CCNY: variants seen among roughly 807,000 people sequenced by gnomAD.
The protein encoded by CCNY is cyclin Y.
CCNY carries 19 observed loss-of-function variants against 42.8 expected under a neutral mutation model. The observed-to-expected ratio is 0.44, with a 90% CI of 0.31 to 0.65. The LOEUF (loss-of-function observed/expected upper bound fraction) is 0.65. Among genes scored for constraint, CCNY ranks in the 30% least tolerant of loss-of-function variants. The pLI is 0.07. For missense variants in CCNY, 370 were observed against 437.3 expected, an observed-to-expected ratio of 0.85 and a Z score of 1.37; for synonymous variants, 165 against 162.7, an observed-to-expected ratio of 1.01 and a Z score of -0.11.
intron 7 of CCNY, among the ~76,000 whole-genome samples, chr10:35,548,382 T>TCCGCCTC (rs1301910976): frequency 6.6e-6 from 1 of 150,952 alleles, no homozygotes; most frequent in Non-Finnish European, 1.5e-5. Flanking sequence ...CACTGCAGCC[T>TCCGCCTC]CCGCCTCCCG....
In CCNY at chr10:35,516,669, T is replaced by TCC. The variant is rs759096049; in HGVS notation, c.365+46_365+47insCC. On this transcript the variant is annotated intron_variant, in intron 4 of 9. Transcript: ENST00000374704. Reference sequence around the variant, plus strand: ...CCTTCCTTCCTTCCTTCCTTTTTTTTTTTTTTTTTTTTTTTTTTTACTTAA... The same window carrying TCC: ...CCTTCCTTCCTTCCTTCCTTTTTTTTCCTTTTTTTTTTTTTTTTTTTACTTAA... 1.0e-4 allele frequency: 98 copies of TCC among 982,686 alleles called. No homozygotes were observed. In the African/African-American group the frequency reaches 1.5e-3, roughly 15 times the overall value. The allele number at this position is 982,686 out of a possible 1,614,324, so 60.9% of individuals were successfully genotyped here.
intron 1 of CCNY, among the ~76,000 whole-genome samples, chr10:35,481,173 C>T (rs974894662): frequency 3.3e-5 from 5 of 152,170 alleles, no homozygotes; most frequent in African/African-American, 1.2e-4. Flanking sequence ...AAATATTCTT[C>T]ATGTGATTTT....
At chr10:35,497,945 A>G (rs1393042416) in intron 2 of CCNY, among the ~76,000 whole-genome samples, 3 of 152,042 alleles carry the variant, frequency 2.0e-5, no homozygotes, top group Non-Finnish European at 4.4e-5. Context: ...GTTTCTCTGC[A>G]TGGCAGAGGG....
chr10:35,435,221 T>A (rs912096399), intron 1 of CCNY, among the ~76,000 whole-genome samples: 5 of 152,222 alleles, frequency 3.3e-5, no homozygotes, highest in Non-Finnish European at 5.9e-5. Context: ...GGTCCCTATC[T>A]CTGCCAGGGC....
intron 3 of CCNY, among the ~76,000 whole-genome samples, chr10:35,252,601 T>G (rs954219677): frequency 6.8e-6 from 1 of 147,072 alleles, no homozygotes; most frequent in East Asian, 2.0e-4. Flanking sequence ...AATGAGAATA[T>G]CCTTTGCACT....
At chr10:35,267,667 T>C (rs1466684975) in intron 3 of CCNY, among the ~76,000 whole-genome samples, 1 of 152,172 alleles carries the variant, frequency 6.6e-6, no homozygotes, top group Admixed American at 6.6e-5. Context: ...CAGAAAACAC[T>C]GCTTCCAAGT....
intron 1 of CCNY, among the ~76,000 whole-genome samples, chr10:35,423,800 C>A (rs1025591216): frequency 4.6e-5 from 7 of 152,178 alleles, no homozygotes; most frequent in African/African-American, 1.4e-4. Context: ...TTTGAAAATT[C>A]TCAAATTTGC....
chr10:35,408,415 T>G (rs1167939300), intron 1 of CCNY, among the ~76,000 whole-genome samples: 4 of 152,150 alleles, frequency 2.6e-5, no homozygotes, highest in African/African-American at 4.8e-5. Context: ...GGTGGTGGGA[T>G]TATCATTAGT....
chr10:35,280,506 GGA>G (rs1835288720), intron 3 of CCNY, among the ~76,000 whole-genome samples: 1 of 150,718 alleles, frequency 6.6e-6, no homozygotes, highest in African/African-American at 2.5e-5. Flanking sequence ...AAGGAAGGAA[GGA>G]AGAGTCTTTT....
intron 1 of CCNY, among the ~76,000 whole-genome samples, chr10:35,350,850 C>G (rs896332686): frequency 2.6e-5 from 4 of 152,162 alleles, no homozygotes; most frequent in Non-Finnish European, 5.9e-5. Context: ...TGATTTTCAG[C>G]TTGCCTAGGT....
intron 1 of CCNY, among the ~76,000 whole-genome samples, chr10:35,418,425 C>G (rs994627305): frequency 6.6e-6 from 1 of 152,182 alleles, no homozygotes; most frequent in African/African-American, 2.4e-5. Flanking sequence ...AAAAAACATG[C>G]CCTTGCTTGA....
intron 8 of CCNY, among the ~76,000 whole-genome samples, chr10:35,554,606 C>A (rs1841326180): frequency 6.6e-6 from 1 of 152,096 alleles, no homozygotes; most frequent in African/African-American, 2.4e-5. Context: ...CACTGAACAG[C>A]ACGTCACATG....
In CCNY at chr10:35,258,615, G is replaced by A. The variant is rs143047929; in HGVS notation, c.-9+7989G>A. 7.7e-3 allele frequency among the ~76,000 whole-genome samples: 1,172 copies of A among 152,228 alleles called. 20 individuals carry two copies. The highest frequency in any genetic ancestry group is 0.025 in the African/African-American group (1,053 of 41,534). On this transcript the variant is annotated intron_variant, in intron 3 of 11. Coordinates refer to the CCNY transcript ENST00000374706. Reference sequence around the variant, plus strand: ...AGTTGGAGGATAGGGCTTCTTTGCCGACCCTGGCTCCTGCAAGTTGGTTCA... The same window carrying A: ...AGTTGGAGGATAGGGCTTCTTTGCCAACCCTGGCTCCTGCAAGTTGGTTCA...
intron 1 of CCNY, among the ~76,000 whole-genome samples, chr10:35,419,533 C>T (rs113477470): frequency 1.5e-5 from 2 of 129,678 alleles, no homozygotes; most frequent in African/African-American, 6.3e-5. Context: ...TAGACCGTTC[C>T]TTTTTTTTTT....
At chr10:35,536,100 TGTGGGAGGGACCTG>T (rs1244864508) in intron 7 of CCNY, among the ~76,000 whole-genome samples, 6 of 152,334 alleles carry the variant, frequency 3.9e-5, no homozygotes, top group Non-Finnish European at 8.8e-5. Flanking sequence ...CTCCCATTAT[TGTGGGAGGGACCTG>T]GTGGGAGATA....
At chr10:35,397,280 A>C (rs912175277) in intron 1 of CCNY, among the ~76,000 whole-genome samples, 2 of 152,198 alleles carry the variant, frequency 1.3e-5, no homozygotes, top group African/African-American at 4.8e-5. Context: ...CCTCCCTTCA[A>C]ACCTACTTAC....
chr10:35,273,591 G>T (rs905212232), intron 3 of CCNY, among the ~76,000 whole-genome samples: 1 of 152,070 alleles, frequency 6.6e-6, no homozygotes, highest in Non-Finnish European at 1.5e-5. Context: ...TTGCTGGAGC[G>T]CTCTTGGGGA....
chr10:35,532,642 C>T (rs916688394), intron 7 of CCNY, among the ~76,000 whole-genome samples: 1 of 152,170 alleles, frequency 6.6e-6, no homozygotes, highest in Admixed American at 6.5e-5. Context: ...TTGATTTGCA[C>T]CTTGATGAGT....
At chr10:35,359,052 C>T (rs1447017212) in intron 1 of CCNY, among the ~76,000 whole-genome samples, 1 of 152,232 alleles carries the variant, frequency 6.6e-6, no homozygotes, top group African/African-American at 2.4e-5. Context: ...ATCTGTGCTT[C>T]AGGCCTTGCC....
Sources: allele counts gnomAD v4.1 joint callset (sites outside exome capture counted in the v4.1 genomes callset), GRCh38; gene constraint gnomAD v4.1.1; transcripts MANE v1.5; gene names NCBI Gene and HGNC (gene_info 2026-07-23, HGNC 2026-07-21).